CSMD3: variants seen among roughly 807,000 people sequenced by gnomAD.
CSMD3 encodes CUB and Sushi multiple domains 3.
A neutral mutation model predicts 435.2 loss-of-function variants in CSMD3; 177 were observed. The observed-to-expected ratio is 0.41, with a 90% CI of 0.36 to 0.46. CSMD3 has a LOEUF of 0.46. Ranked by LOEUF, CSMD3 falls within the 20% of genes least tolerant of loss-of-function variation. The probability of loss-of-function intolerance (pLI) is 0.34; values close to 1 mark genes in which losing one functional copy is unlikely to be tolerated. For synonymous variants in CSMD3, 1,656 were observed against 1,520.5 expected (o/e 1.09, Z -2.07); for missense variants, 4,265 against 4,504.6 (o/e 0.95, Z 1.52).
In CSMD3 at chr8:112,991,979, T is replaced by A. The variant is rs569967090; in HGVS notation, c.1031-15831A>T. The stretch of plus-strand genomic sequence containing the variant: ...TAAGTAAAGGAAGTTGATATTTTAG[T>A]GAGCAGGTGAGGTCCTGTAATGAGT... On this transcript the variant is annotated intron_variant, in intron 6 of 70. Coordinates refer to ENST00000297405, the MANE Select transcript of CSMD3 (RefSeq NM_198123.2). Among the ~76,000 whole-genome samples, 14 of 151,988 alleles carry A rather than the reference T, an allele frequency of 9.2e-5. No homozygotes were observed. In the East Asian group the frequency reaches 2.7e-3, roughly 30 times the overall value.
chr8:112,627,693 G>T (rs922134876), intron 22 of CSMD3, among the ~76,000 whole-genome samples: 18 of 152,120 alleles, frequency 1.2e-4, no homozygotes, highest in African/African-American at 4.3e-4. Context: ...TTTATCCAAA[G>T]AGATTTGAGA....
intron 31 of CSMD3, among the ~76,000 whole-genome samples, chr8:112,479,784 G>A (rs770460174): frequency 2.0e-5 from 3 of 152,212 alleles, no homozygotes; most frequent in Non-Finnish European, 2.9e-5. Flanking sequence ...AATCCCGGGT[G>A]CCCAGGCAGA....
At chr8:112,622,660 G>A (rs1834167361) in intron 22 of CSMD3, among the ~76,000 whole-genome samples, 2 of 152,090 alleles carry the variant, frequency 1.3e-5, no homozygotes, top group Non-Finnish European at 2.9e-5. Flanking sequence ...AATTAATAGG[G>A]ACTCTATAAC....
intron 32 of CSMD3, among the ~76,000 whole-genome samples, chr8:112,424,157 C>A (rs1812809980): frequency 6.6e-6 from 1 of 152,124 alleles, no homozygotes; most frequent in Non-Finnish European, 1.5e-5. Context: ...ATCACCTCCA[C>A]TCCTCCCAAC....
intron 22 of CSMD3, among the ~76,000 whole-genome samples, chr8:112,594,305 C>T (rs1228032354): frequency 6.6e-6 from 1 of 152,324 alleles, no homozygotes; most frequent in Non-Finnish European, 1.5e-5. Context: ...TTGCGCTTTT[C>T]GGACCGGCTT....
chr8:113,240,638 G>A (rs754258944), intron 3 of CSMD3, among the ~76,000 whole-genome samples: 1 of 152,092 alleles, frequency 6.6e-6, no homozygotes, highest in Non-Finnish European at 1.5e-5. Flanking sequence ...CTGTAAAATT[G>A]TATGTCATAT....
intron 13 of CSMD3, among the ~76,000 whole-genome samples, chr8:112,753,014 C>T (rs1224400051): frequency 2.6e-5 from 4 of 151,562 alleles, no homozygotes. Flanking sequence ...TAACCTTGAA[C>T]TTCTGGGCTC....
intron 43 of CSMD3, 109 bp downstream of exon 43, chr8:112,337,434 G>C (rs975729240): frequency 1.2e-6 from 1 of 836,444 alleles, no homozygotes; most frequent in East Asian, 2.5e-5. Context: ...TCAGCTGAGA[G>C]ACTATATATT....
rs2130636962 is a variant in CSMD3 at position 112,287,226 on chromosome 8, C to T, written c.9169G>A (p.Gly3057Ser). 2.5e-6 allele frequency: 4 copies of T among 1,613,592 alleles called. No homozygotes were observed. The highest frequency in any genetic ancestry group is 3.4e-6 in the Non-Finnish European group (4 of 1,179,738). Residue 3057 changes from glycine to serine, a missense_variant, in exon 58 of 71, where the codon GGC becomes AGC. Gly to Ser is a moderately conservative substitution (Grantham distance 56, BLOSUM62 0). Transcript: ENST00000297405. Reference sequence around the variant, plus strand: ...CCATGGCCGGGAGTACCTGGATCGCCACATGTCCCAGTAGCATCACCTGCA... The same window carrying T: ...CCATGGCCGGGAGTACCTGGATCGCTACATGTCCCAGTAGCATCACCTGCA... Reference protein sequence around the residue: ...HCSGDATGTCGDPGTPGHGSR... With the variant: ...HCSGDATGTCSDPGTPGHGSR...
chr8:113,010,991 CTTA>C (rs2086237698), intron 6 of CSMD3, among the ~76,000 whole-genome samples: 1 of 151,466 alleles, frequency 6.6e-6, no homozygotes, highest in African/African-American at 2.4e-5. Flanking sequence ...TGACCCAAAG[CTTA>C]TTATTTTCTG....
intron 6 of CSMD3, among the ~76,000 whole-genome samples, chr8:112,983,249 T>A (rs1200107240): frequency 6.6e-6 from 1 of 151,930 alleles, no homozygotes; most frequent in African/African-American, 2.4e-5. Flanking sequence ...GGGTCACAGC[T>A]ACCTTCACTA....
intron 13 of CSMD3, among the ~76,000 whole-genome samples, chr8:112,751,535 C>A (rs570686496): frequency 6.6e-6 from 1 of 151,622 alleles, no homozygotes; most frequent in Non-Finnish European, 1.5e-5. Flanking sequence ...TTTTGATTTC[C>A]TTTTCTTTTT....
chr8:112,277,478 G>T (rs1443729584), intron 59 of CSMD3, among the ~76,000 whole-genome samples: 1 of 152,152 alleles, frequency 6.6e-6, no homozygotes, highest in Non-Finnish European at 1.5e-5. Flanking sequence ...CATTCAACAA[G>T]TCTCTAGGAA....
At chr8:112,976,724 G>C (rs1261883515) in intron 6 of CSMD3, among the ~76,000 whole-genome samples, 1 of 152,014 alleles carries the variant, frequency 6.6e-6, no homozygotes, top group Non-Finnish European at 1.5e-5. Context: ...TTTGTGATGA[G>C]CTAAGTACCT....
At chr8:112,525,751 CAT>C (rs553559009) in intron 27 of CSMD3, among the ~76,000 whole-genome samples, 2,933 of 119,388 alleles carry the variant, frequency 0.025, 44 homozygotes, top group African/African-American at 0.032. Flanking sequence ...CATATATATA[CAT>C]ATATATATAT....
chr8:112,596,127 C>T (rs940150524), intron 22 of CSMD3, among the ~76,000 whole-genome samples: 12 of 151,454 alleles, frequency 7.9e-5, no homozygotes, highest in East Asian at 3.9e-4. Flanking sequence ...ACCCATCTCA[C>T]GTGCAGAGAC....
At chr8:112,527,874 C>T (rs991909261) in intron 27 of CSMD3, among the ~76,000 whole-genome samples, 4 of 152,042 alleles carry the variant, frequency 2.6e-5, no homozygotes, top group Non-Finnish European at 1.5e-5. Flanking sequence ...TGATGTGACT[C>T]ACATAAAAAT....
At chr8:113,178,645 C>T (rs535884442) in intron 3 of CSMD3, among the ~76,000 whole-genome samples, 2 of 151,784 alleles carry the variant, frequency 1.3e-5, no homozygotes, top group Non-Finnish European at 2.9e-5. Context: ...TAAAGAAAGG[C>T]TTTAATTGTG....
At chr8:113,345,262 T>C (rs1392934750) in intron 1 of CSMD3, among the ~76,000 whole-genome samples, 1 of 152,120 alleles carries the variant, frequency 6.6e-6, no homozygotes, top group Non-Finnish European at 1.5e-5. Context: ...TAATTGATAC[T>C]ACTTTCTAAA....
Sources: allele counts gnomAD v4.1 joint callset (sites outside exome capture counted in the v4.1 genomes callset), GRCh38; gene constraint gnomAD v4.1.1; transcripts MANE v1.5; gene names NCBI Gene and HGNC (gene_info 2026-07-23, HGNC 2026-07-21).